DENND1B: variants seen among roughly 807,000 people sequenced by gnomAD.
DENND1B encodes DENN domain-containing protein 1B.
In DENND1B, 59 loss-of-function variants were observed where a neutral mutation model predicts 90.1. That is an observed-to-expected ratio of 0.65 (90% CI 0.53 to 0.81). The LOEUF (loss-of-function observed/expected upper bound fraction) is 0.81. DENND1B is among the 40% of genes least tolerant of loss of function. The pLI is 0.00. For synonymous variants in DENND1B, 337 were observed against 324.6 expected (o/e 1.04, Z -0.41); for missense variants, 862 against 912.6 (o/e 0.94, Z 0.71).
At chr1:197,543,565 A>G (rs1315550139) in intron 18 of DENND1B, among the ~76,000 whole-genome samples, 2 of 152,210 alleles carry the variant, frequency 1.3e-5, no homozygotes, top group African/African-American at 4.8e-5. Context: ...TTCACATGGT[A>G]GTTGTGTACT....
At chr1:197,653,084 C>T (rs1217067540) in intron 6 of DENND1B, among the ~76,000 whole-genome samples, 3 of 151,808 alleles carry the variant, frequency 2.0e-5, no homozygotes, top group Non-Finnish European at 2.9e-5. Context: ...AGACTTCTCA[C>T]GATCTTTCTT....
chr1:197,732,984 CTTAA>C (rs745866793), intron 2 of DENND1B, among the ~76,000 whole-genome samples: 14 of 152,094 alleles, frequency 9.2e-5, no homozygotes, highest in Non-Finnish European at 1.6e-4. Flanking sequence ...TGGAAAGAGT[CTTAA>C]TTATGTACCG....
intron 1 of DENND1B, 118 bp from the exon 2 acceptor site, chr1:197,773,050 A>G (rs1656819947): frequency 1.2e-6 from 1 of 815,394 alleles, no homozygotes; most frequent in Non-Finnish European, 2.1e-6. Flanking sequence ...ACGTGACTGT[A>G]TTACTACAGT....
chr1:197,689,005 C>T (rs1657563387), intron 3 of DENND1B: 2 of 215,428 alleles, frequency 9.3e-6, no homozygotes, highest in Non-Finnish European at 2.0e-5. Context: ...AATCTGAGAC[C>T]ACCAAATACT....
intron 2 of DENND1B, chr1:197,735,698 C>A: frequency 6.2e-7 from 1 of 1,613,982 alleles, no homozygotes; most frequent in Admixed American, 1.7e-5. Flanking sequence ...GGAGGCGCTA[C>A]GCCAGGACCG....
At chr1:197,705,492 C>T (rs943711146) in intron 3 of DENND1B, among the ~76,000 whole-genome samples, 3 of 151,948 alleles carry the variant, frequency 2.0e-5, no homozygotes, top group Non-Finnish European at 4.4e-5. Context: ...AGTGATCTCA[C>T]AATTTCAGAA....
At chr1:197,677,743 T>C (rs1255151230) in intron 3 of DENND1B, among the ~76,000 whole-genome samples, 1 of 152,170 alleles carries the variant, frequency 6.6e-6, no homozygotes, top group Admixed American at 6.6e-5. Context: ...AGTAACTACA[T>C]CAGTTAAGGG....
intron 13 of DENND1B, among the ~76,000 whole-genome samples, chr1:197,598,438 A>C (rs1347360412): frequency 6.6e-6 from 1 of 151,812 alleles, no homozygotes; most frequent in Non-Finnish European, 1.5e-5. Flanking sequence ...TCTTTACATC[A>C]CTGGAGTAAA....
chr1:197,516,213 TTG>T (rs1229190492), intron 20 of DENND1B, among the ~76,000 whole-genome samples: 5 of 151,828 alleles, frequency 3.3e-5, no homozygotes, highest in Non-Finnish European at 7.4e-5. Flanking sequence ...GTGTTGACCT[TTG>T]TGTTATCCAT....
chr1:197,695,909 A>C (rs1045675273), intron 3 of DENND1B, among the ~76,000 whole-genome samples: 2 of 151,468 alleles, frequency 1.3e-5, no homozygotes. Flanking sequence ...ATAATGAAAA[A>C]CTAATCATTC....
intron 20 of DENND1B, among the ~76,000 whole-genome samples, chr1:197,534,220 T>G (rs1669717863): frequency 6.6e-6 from 1 of 152,226 alleles, no homozygotes; most frequent in Admixed American, 6.5e-5. Flanking sequence ...AGCCTTACAG[T>G]AGGAAGAAAA....
At chr1:197,724,133 G>A (rs1188041686) in intron 2 of DENND1B, among the ~76,000 whole-genome samples, 1 of 152,018 alleles carries the variant, frequency 6.6e-6, no homozygotes, top group Non-Finnish European at 1.5e-5. Context: ...AACAGACACA[G>A]TTCCAATGAC....
At chr1:197,642,918 G>A in intron 9 of DENND1B, 97 bp from the exon 10 acceptor site, 1 of 720,712 alleles carries the variant, frequency 1.4e-6, no homozygotes, top group Non-Finnish European at 2.3e-6. Flanking sequence ...AGTTCAAAGG[G>A]TATTATTATT....
chr1:197,736,089 C>A, intron 2 of DENND1B: 2 of 775,184 alleles, frequency 2.6e-6, no homozygotes, highest in South Asian at 1.6e-5. Flanking sequence ...TTTCAGTTCT[C>A]GAGTTGGTGG....
Position 197,545,022 on chromosome 1 carries a change from A to AAGGAGGAGG in DENND1B, c.1350+899_1350+900insCCTCCTCCT, listed in dbSNP as rs1553281577. On this transcript the variant is annotated intron_variant, in intron 18 of 22. Transcript: ENST00000620048. ...AGGAAGACGACGACGACGACGACGA[A>AAGGAGGAGG]AGAAGGAGGAGAAGGAGAAGGAGAA... Among the ~76,000 whole-genome samples, 5 of 138,074 alleles carry AAGGAGGAGG rather than the reference A, an allele frequency of 3.6e-5. No individual in the cohort carries two copies. In the East Asian group the frequency reaches 6.4e-4, roughly 18 times the overall value. 90.6% of individuals were successfully genotyped at this position (138,074 alleles called of 152,430 possible). A position where few individuals can be genotyped will look rare whatever the true frequency, so the allele number is the denominator to read the frequency against.
intron 2 of DENND1B, among the ~76,000 whole-genome samples, chr1:197,760,038 C>A (rs1443662351): frequency 6.6e-6 from 1 of 151,936 alleles, no homozygotes; most frequent in Non-Finnish European, 1.5e-5. Context: ...ATATATTAAA[C>A]ACAATGTAAA....
intron 4 of DENND1B, among the ~76,000 whole-genome samples, chr1:197,673,016 G>C (rs1337992767): frequency 6.6e-6 from 1 of 152,012 alleles, no homozygotes; most frequent in East Asian, 1.9e-4. Context: ...ATAGCCATAG[G>C]GATTGTGCAG....
In DENND1B at chr1:197,582,081, T is replaced by A. The variant is rs1398613867; in HGVS notation, c.1149+1071A>T. Among the ~76,000 whole-genome samples the A allele has an allele frequency of 3.9e-5, 6 of 152,312 alleles. No individual in the cohort carries two copies. The East Asian group carries it at 1.2e-3, about 29-fold the overall frequency. ...TTTTTGGAAATTCACAGGACATCTC[T>A]GATCCTGAAATCCATGCTCCTTAAG... On this transcript the variant is annotated intron_variant, in intron 15 of 22. Transcript: ENST00000620048.
At position 197,583,145 on chromosome 1, in the gene DENND1B, C is replaced by T; in HGVS notation, c.1149+7G>A. On this transcript the variant is annotated splice_region_variant and intron_variant, in intron 15 of 22. Coordinates refer to ENST00000620048, the MANE Select transcript of DENND1B (RefSeq NM_001195215.2). Reference sequence around the variant, plus strand: ...TACAAAAGAAAAATGTGGAGGTCCACTCTTACCTGCTTAAAAAGCTGGAGG... The same window carrying T: ...TACAAAAGAAAAATGTGGAGGTCCATTCTTACCTGCTTAAAAAGCTGGAGG... 6.2e-7 allele frequency: 1 copy of T among 1,613,092 alleles called. No homozygotes were observed. The highest frequency in any genetic ancestry group is 8.5e-7 in the Non-Finnish European group (1 of 1,179,160).
Sources: gnomAD v4.1 joint callset for allele counts (sites outside exome capture counted in the v4.1 genomes callset) on GRCh38, gnomAD v4.1.1 for gene constraint, MANE v1.5 for transcripts, NCBI Gene and HGNC (gene_info 2026-07-23, HGNC 2026-07-21) for gene names.